The following SSPN variants were observed in gnomAD, a reference collection of about 807,000 sequenced individuals.
The protein encoded by SSPN is K-ras oncogene-associated protein.
SSPN carries 15 observed loss-of-function variants against 19.1 expected under a neutral mutation model. The observed-to-expected ratio is 0.78, with a 90% CI of 0.52 to 1.21. The LOEUF is 1.21. Ranked by LOEUF, SSPN falls within the 50% of genes most tolerant of loss-of-function variation. SSPN has a pLI of 0.00. For missense variants in SSPN, 291 were observed against 314.0 expected (o/e 0.93, Z 0.55); for synonymous variants, 147 against 140.3 (o/e 1.05, Z -0.34).
chr12:26,185,212 C>T lies in SSPN; in HGVS notation c.-30-39081C>T, dbSNP rs1366928179. On this transcript the variant is annotated intron_variant, in intron 1 of 2. Coordinates refer to the SSPN transcript ENST00000538142. ...CCTGTATAGCATTCTTTCTTTAGTT[C>T]ATTCAATAAACATTTATTGAGTGCC... Among the ~76,000 whole-genome samples, 4 of 152,180 alleles carry T rather than the reference C, an allele frequency of 2.6e-5. No individual in the cohort carries two copies. In the East Asian group the frequency reaches 7.7e-4, roughly 29 times the overall value.
intron 1 of SSPN, chr12:26,125,076 A>T (rs1944352347): frequency 2.2e-6 from 1 of 458,478 alleles, no homozygotes; most frequent in Non-Finnish European, 4.1e-6. Context: ...ACCAGCACCC[A>T]GCTCACGTGC....
At chr12:26,147,304 G>T (rs560053729) in intron 1 of SSPN, among the ~76,000 whole-genome samples, 6 of 143,378 alleles carry the variant, frequency 4.2e-5, no homozygotes, top group Non-Finnish European at 7.5e-5. Flanking sequence ...ACAGAGTCTT[G>T]CTCTGTAGCC....
chr12:26,152,030 A>C (rs1186084694), intron 1 of SSPN, among the ~76,000 whole-genome samples: 3 of 152,242 alleles, frequency 2.0e-5, no homozygotes, highest in Non-Finnish European at 4.4e-5. Context: ...TGTGCTATTC[A>C]TAATTCAGTG....
intron 1 of SSPN, among the ~76,000 whole-genome samples, chr12:26,216,818 T>G (rs1236828290): frequency 8.0e-6 from 1 of 124,620 alleles, no homozygotes; most frequent in East Asian, 2.4e-4. Flanking sequence ...CCAGCACCAT[T>G]TATTAAATAG....
rs377663739 is a variant in SSPN at position 26,198,052 on chromosome 12, A to C, written c.279+2101A>C. ...TGGTTGGTCACAGGGCACTCTTCCA[A>C]GCTTTCAGGGAAGGGAAAAGATAAC... On this transcript the variant is annotated intron_variant, in intron 1 of 2. Transcript: ENST00000242729. Among the ~76,000 whole-genome samples, 3 of 151,984 alleles carry C rather than the reference A, an allele frequency of 2.0e-5. No individual in the cohort carries two copies. In the East Asian group the frequency reaches 5.8e-4, roughly 29 times the overall value.
chr12:26,138,972 A>C (rs1021834308), intron 1 of SSPN, among the ~76,000 whole-genome samples: 9 of 152,206 alleles, frequency 5.9e-5, no homozygotes, highest in African/African-American at 2.2e-4. Flanking sequence ...TCAATTCTGC[A>C]TATCATACCA....
intron 1 of SSPN, among the ~76,000 whole-genome samples, chr12:26,160,688 A>T (rs1944582296): frequency 6.6e-6 from 1 of 152,120 alleles, no homozygotes; most frequent in Non-Finnish European, 1.5e-5. Context: ...TCCCTTATCT[A>T]CTATCTTGAC....
intron 1 of SSPN, among the ~76,000 whole-genome samples, chr12:26,204,696 A>G (rs1944916191): frequency 6.6e-6 from 1 of 152,058 alleles, no homozygotes; most frequent in African/African-American, 2.4e-5. Context: ...GTAGATCTTC[A>G]TTTTGACACA....
chr12:26,181,177 A>G (rs1372198536), intron 1 of SSPN: 1 of 152,164 alleles, frequency 6.6e-6, no homozygotes, highest in Non-Finnish European at 1.5e-5. Context: ...ATAAACTGCG[A>G]TCTCTGTGGA....
At chr12:26,212,463 C>A (rs1455319671) in intron 1 of SSPN, among the ~76,000 whole-genome samples, 1 of 152,106 alleles carries the variant, frequency 6.6e-6, no homozygotes, top group East Asian at 1.9e-4. Flanking sequence ...TAAAAATAAT[C>A]TCGCATGTCA....
At chr12:26,185,731 T>C (rs535452713) in intron 1 of SSPN, among the ~76,000 whole-genome samples, 1 of 152,314 alleles carries the variant, frequency 6.6e-6, no homozygotes, top group African/African-American at 2.4e-5. Flanking sequence ...GTGCCAAGTC[T>C]GTGAGTGATC....
chr12:26,187,320 C>A (rs1944760356), intron 1 of SSPN, among the ~76,000 whole-genome samples: 1 of 152,126 alleles, frequency 6.6e-6, no homozygotes, highest in Non-Finnish European at 1.5e-5. Context: ...GTTTTAGGCC[C>A]CCAAAATGAT....
intron 1 of SSPN, among the ~76,000 whole-genome samples, chr12:26,204,598 G>A (rs1001126066): frequency 1.3e-5 from 2 of 152,110 alleles, no homozygotes; most frequent in Non-Finnish European, 2.9e-5. Context: ...TGTCCTGTGG[G>A]GGGTGGTGAT....
At chr12:26,182,923 C>T (rs1043998187) in intron 1 of SSPN, among the ~76,000 whole-genome samples, 21 of 151,954 alleles carry the variant, frequency 1.4e-4, no homozygotes, top group African/African-American at 3.1e-4. Context: ...CCACCACGGC[C>T]GGCTAATTTT....
intron 1 of SSPN, among the ~76,000 whole-genome samples, chr12:26,207,969 C>T (rs1944945524): frequency 6.7e-6 from 1 of 150,142 alleles, no homozygotes; most frequent in Non-Finnish European, 1.5e-5. Flanking sequence ...CACCGCACTT[C>T]AGCCTGGGCA....
At chr12:26,196,381 T>A (rs772904790) in intron 1 of SSPN, among the ~76,000 whole-genome samples, 1 of 152,224 alleles carries the variant, frequency 6.6e-6, no homozygotes, top group Non-Finnish European at 1.5e-5. Context: ...GGAGAAAGCC[T>A]GTACTTGGAG....
rs148473191 is a variant in SSPN, at chr12:26,145,757, T to C, written c.-31+23605T>C. 3.7e-3 allele frequency among the ~76,000 whole-genome samples: 563 copies of C among 152,308 alleles called. 4 individuals are homozygous for C. Among genetic ancestry groups the C allele is most frequent in the African/African-American group, 0.013 (535 of 41,560 alleles). ...ACTGGTGGAGATGAGTACAATTCCA[T>C]GTAGACAGAACTGGTATTCCGCCCT... On this transcript the variant is annotated intron_variant, in intron 1 of 2. Coordinates refer to the SSPN transcript ENST00000538142.
chr12:26,160,508 A>G (rs190721595), intron 1 of SSPN, among the ~76,000 whole-genome samples: 24 of 152,362 alleles, frequency 1.6e-4, no homozygotes, highest in Admixed American at 1.5e-3. Flanking sequence ...ACTTATCTTT[A>G]CATCAAATGC....
chr12:26,230,481 C>T (rs909175831), intron 2 of SSPN, among the ~76,000 whole-genome samples: 4 of 152,146 alleles, frequency 2.6e-5, no homozygotes, highest in Non-Finnish European at 5.9e-5. Flanking sequence ...TGAAAAGGGC[C>T]CAACATCTGG....
Sources: gnomAD v4.1 joint callset for allele counts (sites outside exome capture counted in the v4.1 genomes callset) on GRCh38, gnomAD v4.1.1 for gene constraint, MANE v1.5 for transcripts, NCBI Gene and HGNC (gene_info 2026-07-23, HGNC 2026-07-21) for gene names.